Variants in TNS1 observed in about 807,000 individuals in gnomAD.
TNS1 encodes tensin 1, also known as tensin-1.
TNS1 carries 62 observed loss-of-function variants against 168.6 expected under a neutral mutation model. That is an observed-to-expected ratio of 0.37 (90% CI 0.30 to 0.45). TNS1 has a LOEUF of 0.45. TNS1 is among the 20% of genes least tolerant of loss of function. TNS1 has a pLI of 1.00. For missense variants in TNS1, 2,240 were observed against 2,339.4 expected (o/e 0.96, Z 0.88); for synonymous variants, 934 against 933.2 (o/e 1.00, Z -0.02).
chr2:217,807,303 T>C (rs1939330743), intron 32 of TNS1, among the ~76,000 whole-genome samples: 1 of 152,186 alleles, frequency 6.6e-6, no homozygotes, highest in African/African-American at 2.4e-5. Flanking sequence ...TCATGTCAGC[T>C]TCAGACCCCA....
rs780854400 is a variant in TNS1 at position 217,831,460 on chromosome 2, G to A, written c.3368C>T (p.Thr1123Ile). ...HNPADILLHP[T>I]GEPRSYVESV... Reference sequence around the variant, plus strand: ...CTTCCCTCTTCCCAACTCACCTCCTGTGGGGTGCAACAGGATGTCCGCTGG... The same window carrying A: ...CTTCCCTCTTCCCAACTCACCTCCTATGGGGTGCAACAGGATGTCCGCTGG... The change falls in exon 22 of 33, where the codon ACA becomes ATA. Residue 1123 changes from threonine (T) to isoleucine (I), a missense_variant. Physicochemically the swap from Thr to Ile is moderately conservative, Grantham distance 89. Coordinates refer to ENST00000682258, the MANE Select transcript of TNS1 (RefSeq NM_001387777.1). 32 of 1,584,348 alleles carry A rather than the reference G, an allele frequency of 2.0e-5. No individual in the cohort carries two copies. In the Middle Eastern group the frequency reaches 2.0e-3, roughly 99 times the overall value.
chr2:217,818,174 G>T lies in TNS1; in HGVS notation c.4158C>A (p.Asn1386Lys). 6.2e-7 allele frequency: 1 copy of T among 1,613,938 alleles called. No homozygotes were observed. Among genetic ancestry groups the T allele is most frequent in the Non-Finnish European group, 8.5e-7 (1 of 1,179,946 alleles). Residue 1386 changes from asparagine (N) to lysine (K), a missense_variant, in exon 24 of 33, where the codon AAC becomes AAA. Physicochemically the swap from Asn to Lys is moderately conservative, Grantham distance 94. Coordinates refer to ENST00000682258, the MANE Select transcript of TNS1 (RefSeq NM_001387777.1). ...LGRHPGAHQG[N>K]LASGLHSNAI... ...CATTGCTATGAAGACCGGAGGCCAGGTTGCCTTGGTGAGCCCCAGGGTGCC... is the reference window on the plus strand; with the variant it reads ...CATTGCTATGAAGACCGGAGGCCAGTTTGCCTTGGTGAGCCCCAGGGTGCC...
At chr2:217,938,413 G>A (rs114659071) in intron 3 of TNS1, among the ~76,000 whole-genome samples, 1,790 of 152,336 alleles carry the variant, frequency 0.012, 37 homozygotes, top group African/African-American at 0.041. Context: ...ACCCTTGCAC[G>A]GGTTCAAAGC....
chr2:218,004,962 G>A (rs370751782), upstream of TNS1, among the ~76,000 whole-genome samples: 15 of 152,248 alleles, frequency 9.9e-5, no homozygotes, highest in South Asian at 6.2e-4. Flanking sequence ...AAACCCTCCC[G>A]TCTCCCCTGG....
chr2:217,953,783 A>C (rs902979787), intron 3 of TNS1, among the ~76,000 whole-genome samples: 3 of 152,210 alleles, frequency 2.0e-5, no homozygotes, highest in East Asian at 3.9e-4. Context: ...CCCAGCTCTA[A>C]AGAGGCCAGT....
rs537601422 is a variant in TNS1, at chr2:217,800,670, C to T, written c.*3789G>A. ...GCTGCTCTGGGACTCTGCCCCCCAA[C>T]CTCTTGGAGGACCCCGAGTGTGGGG... On this transcript the variant is annotated 3_prime_UTR_variant, in exon 33 of 33. Transcript: ENST00000682258. 6.6e-6 allele frequency: 1 copy of T among 152,292 alleles called. No individual in the cohort carries two copies. Among genetic ancestry groups the T allele is most frequent in the East Asian group, 1.9e-4 (1 of 5,174 alleles). The allele number at this position is 152,292 out of a possible 1,614,324, so 9.4% of individuals were successfully genotyped here.
Position 217,841,932 on chromosome 2 carries a change from A to T in TNS1, c.3007+5578T>A, listed in dbSNP as rs1328465902. 3 of 610,316 alleles carry T rather than the reference A, an allele frequency of 4.9e-6. No individual in the cohort carries two copies. The East Asian group carries it at 8.4e-5, about 17-fold the overall frequency. The allele number at this position is 610,316 out of a possible 1,614,324, so 37.8% of individuals were successfully genotyped here. A position where few individuals can be genotyped will look rare whatever the true frequency, so the allele number is the denominator to read the frequency against. ...GAACCTTCTCAGATGCACTAGAAGG[A>T]CCTGCTATGTTATCCTTTCCTTGCC... On this transcript the variant is annotated intron_variant, in intron 19 of 32. Coordinates refer to ENST00000682258, the MANE Select transcript of TNS1 (RefSeq NM_001387777.1).
intron 4 of TNS1, 83 bp downstream of exon 4, chr2:217,920,112 T>C (rs1955563245): frequency 2.8e-6 from 2 of 702,050 alleles, no homozygotes; most frequent in Non-Finnish European, 5.2e-6. Flanking sequence ...TACCAACATA[T>C]TTGGGTCTAA....
chr2:217,987,302 A>C (rs114274863), intron 2 of TNS1, among the ~76,000 whole-genome samples: 1,875 of 152,278 alleles, frequency 0.012, 40 homozygotes, highest in African/African-American at 0.043. Flanking sequence ...GACAGGGTTC[A>C]TATGCAGGAG....
chr2:217,850,134 G>C (rs1947262577), intron 18 of TNS1: 1 of 985,422 alleles, frequency 1.0e-6, no homozygotes, highest in Non-Finnish European at 1.2e-6. Context: ...GTCCTGGGAA[G>C]GTATGCCGGG....
chr2:217,885,846 G>T (rs762773555), intron 14 of TNS1, 27 bp from the exon 15 acceptor site: 1 of 1,612,352 alleles, frequency 6.2e-7, no homozygotes, highest in South Asian at 1.1e-5. Context: ...GGCAGAAAAA[G>T]AGTGGGCTGC....
At chr2:217,814,491 T>C (rs1301253876) in intron 25 of TNS1, among the ~76,000 whole-genome samples, 1 of 152,180 alleles carries the variant, frequency 6.6e-6, no homozygotes, top group Admixed American at 6.5e-5. Context: ...GCAGGCAGCA[T>C]CCAGATTTGA....
At chr2:217,849,753 C>A in intron 18 of TNS1, 1 of 985,420 alleles carries the variant, frequency 1.0e-6, no homozygotes, top group Non-Finnish European at 1.2e-6. Context: ...CTTGAATGCC[C>A]ATAGAGGTAT....
rs754682702 is a variant in TNS1 at position 217,848,366 on chromosome 2, C to T, written c.2151G>A (p.Gln717=). The part of the protein sequence containing the change: ...YSAQEGLAGY[Q]REGPHPAWPQ... ...GCCAGGCTGGGTGGGGCCCCTCCCT[C>T]TGGTAGCCAGCTAAACCCTCCTGTG... The change falls in exon 19 of 33, where the codon CAG becomes CAA. Residue 717 remains glutamine, a synonymous_variant. Transcript: ENST00000682258. 6.5e-7 allele frequency: 1 copy of T among 1,542,518 alleles called. No homozygotes were observed. The highest frequency in any genetic ancestry group is 2.0e-5 in the Admixed American group (1 of 51,160).
chr2:217,859,730 A>C, intron 18 of TNS1: 1 of 1,516,054 alleles, frequency 6.6e-7, no homozygotes, highest in Non-Finnish European at 8.9e-7. Flanking sequence ...GCAGAGTATC[A>C]CTTTTCAGAG....
At chr2:217,833,010 G>C (rs970853739) in intron 21 of TNS1, among the ~76,000 whole-genome samples, 4 of 152,142 alleles carry the variant, frequency 2.6e-5, no homozygotes, top group African/African-American at 9.7e-5. Context: ...CCCTGTCATG[G>C]TGTCTTGCTC....
intron 1 of TNS1, chr2:217,992,311 A>G (rs535582105): frequency 1.3e-5 from 2 of 152,514 alleles, no homozygotes; most frequent in African/African-American, 4.8e-5. Flanking sequence ...ACGTGGGCGC[A>G]CACACAGAGA....
chr2:217,902,423 AC>A (rs1370566720), intron 6 of TNS1, among the ~76,000 whole-genome samples: 1 of 152,094 alleles, frequency 6.6e-6, no homozygotes, highest in Non-Finnish European at 1.5e-5. Context: ...ATGGGACCAG[AC>A]CCAGGGAGCT....
In TNS1 at chr2:217,990,952, G is replaced by A; in HGVS notation, c.138C>T (p.Cys46=). The A allele has an allele frequency of 1.5e-6, 1 of 673,040 alleles. No homozygotes were observed. Among genetic ancestry groups the A allele is most frequent in the Non-Finnish European group, 2.7e-6 (1 of 364,826 alleles). 41.7% of individuals were successfully genotyped at this position (673,040 alleles called of 1,614,324 possible). A position where few individuals can be genotyped will look rare whatever the true frequency, so the allele number is the denominator to read the frequency against. The change falls in exon 2 of 33, where the codon TGC becomes TGT. Residue 46 remains cysteine (C), a synonymous_variant. Coordinates refer to ENST00000682258, the MANE Select transcript of TNS1 (RefSeq NM_001387777.1). ...ICRQVITQEG[C]TCKVCSFSCH... The stretch of plus-strand genomic sequence containing the variant: ...CAGACCGCTGCTCACCTTTGCAGGT[G>A]CAGCCTTCCTGGGTGATGACCTGGC...
Sources: allele counts gnomAD v4.1 joint callset (sites outside exome capture counted in the v4.1 genomes callset), GRCh38; gene constraint gnomAD v4.1.1; transcripts MANE v1.5; gene names NCBI Gene and HGNC (gene_info 2026-07-23, HGNC 2026-07-21).